SGSM1: variants seen among roughly 807,000 people sequenced by gnomAD.
SGSM1 encodes small G protein signaling modulator 1.
SGSM1 carries 73 observed loss-of-function variants against 133.8 expected under a neutral mutation model. The ratio of observed to expected loss-of-function variants is 0.55; its 90% CI spans 0.45 to 0.66. The LOEUF (loss-of-function observed/expected upper bound fraction) is 0.66. SGSM1 is among the 30% of genes least tolerant of loss of function. The pLI, the probability that SGSM1 is intolerant of heterozygous loss-of-function variation, is 0.00. For synonymous variants in SGSM1, 563 were observed against 573.0 expected, an observed-to-expected ratio of 0.98 and a Z score of 0.25; for missense variants, 1,213 against 1,448.1, an observed-to-expected ratio of 0.84 and a Z score of 2.64.
intron 14 of SGSM1, 22 bp downstream of exon 14, chr22:24,879,548 C>T: frequency 6.2e-7 from 1 of 1,609,116 alleles, no homozygotes; most frequent in African/African-American, 1.3e-5. Flanking sequence ...GCTCCATTGC[C>T]AGTGTGTCTC....
intron 2 of SGSM1, among the ~76,000 whole-genome samples, chr22:24,829,325 A>G (rs551888013): frequency 6.6e-6 from 1 of 152,310 alleles, no homozygotes; most frequent in African/African-American, 2.4e-5. Flanking sequence ...AATGAGAGCT[A>G]AATGATGAGA....
intron 24 of SGSM1, among the ~76,000 whole-genome samples, chr22:24,921,769 A>G (rs8142847): frequency 0.52 from 78,095 of 151,246 alleles, 20,803 homozygotes; most frequent in East Asian, 0.74. Context: ...GCATGATCTC[A>G]GCTCACTACA....
chr22:24,810,286 T>C (rs571501931), intron 2 of SGSM1, among the ~76,000 whole-genome samples: 1 of 152,086 alleles, frequency 6.6e-6, no homozygotes, highest in South Asian at 2.1e-4. Context: ...GCTGGCAAGA[T>C]AAACCCTGCG....
chr22:24,830,818 A>G (rs1320430306), intron 2 of SGSM1, among the ~76,000 whole-genome samples: 1 of 145,520 alleles, frequency 6.9e-6, no homozygotes, highest in Admixed American at 7.0e-5. Context: ...ATTTCCAGCC[A>G]GTTCCTAGGT....
chr22:24,808,222 T>G (rs1192295491), intron 2 of SGSM1, among the ~76,000 whole-genome samples: 1 of 151,180 alleles, frequency 6.6e-6, no homozygotes, highest in Non-Finnish European at 1.5e-5. Context: ...CACGCCATTC[T>G]CCTGCCTCAG....
At chr22:24,845,961 CTTTCTT>C (rs1443689354) in intron 3 of SGSM1, among the ~76,000 whole-genome samples, 2 of 104,918 alleles carry the variant, frequency 1.9e-5, no homozygotes, top group African/African-American at 6.5e-5. Flanking sequence ...TTCTTTCTTT[CTTTCTT>C]TCTTTCTTTC....
chr22:24,856,540 C>T lies in SGSM1; in HGVS notation c.801+860C>T, dbSNP rs113826677. ...ATGCAGTGTCTCCTTTCGCTGTCCC[C>T]TCACCAGGGCCATTTGGTTGCATGG... On this transcript the variant is annotated intron_variant, in intron 8 of 24. Transcript: ENST00000400358. 5.8e-3 allele frequency among the ~76,000 whole-genome samples: 884 copies of T among 152,274 alleles called. 10 individuals carry two copies. The highest frequency in any genetic ancestry group is 0.021 in the African/African-American group (855 of 41,570).
At chr22:24,863,979 G>T (rs543814400) in intron 9 of SGSM1, among the ~76,000 whole-genome samples, 24 of 152,084 alleles carry the variant, frequency 1.6e-4, no homozygotes, top group African/African-American at 5.8e-4. Flanking sequence ...GACCTCAGGG[G>T]ATCCATCCAC....
intron 16 of SGSM1, among the ~76,000 whole-genome samples, chr22:24,892,523 T>C (rs750563795): frequency 8.6e-5 from 13 of 151,988 alleles, no homozygotes; most frequent in Non-Finnish European, 1.8e-4. Flanking sequence ...TTGGTTTTAT[T>C]TGTATTGTAT....
intron 4 of SGSM1, 60 bp downstream of exon 4, chr22:24,847,856 C>A: frequency 6.4e-7 from 1 of 1,574,650 alleles, no homozygotes; most frequent in Non-Finnish European, 8.6e-7. Context: ...ACAGTCCTCC[C>A]TGGGTCCTGA....
intron 4 of SGSM1, among the ~76,000 whole-genome samples, chr22:24,849,797 A>C (rs1227040341): frequency 6.6e-6 from 1 of 152,172 alleles, no homozygotes; most frequent in African/African-American, 2.4e-5. Context: ...GCCCAGGGAA[A>C]GGCTTCAGAT....
chr22:24,898,816 A>G (rs1364974695), intron 19 of SGSM1, among the ~76,000 whole-genome samples: 1 of 152,078 alleles, frequency 6.6e-6, no homozygotes, highest in African/African-American at 2.4e-5. Flanking sequence ...TCACGAAGTC[A>G]GAAGATCGAG....
At chr22:24,916,057 A>T (rs935135584) in intron 22 of SGSM1, among the ~76,000 whole-genome samples, 8 of 151,782 alleles carry the variant, frequency 5.3e-5, no homozygotes, top group African/African-American at 1.9e-4. Context: ...TTTTTATAAG[A>T]GTTTTGTTAA....
chr22:24,879,321 G>C (rs1429349663), intron 13 of SGSM1, 141 bp from the exon 14 acceptor site: 1 of 707,702 alleles, frequency 1.4e-6, no homozygotes, highest in African/African-American at 1.8e-5. Context: ...TACAGGTAGA[G>C]GTAATAGCAG....
chr22:24,895,196 C>T, intron 17 of SGSM1, 27 bp from the exon 18 acceptor site: 1 of 1,591,594 alleles, frequency 6.3e-7, no homozygotes, highest in Admixed American at 1.8e-5. Flanking sequence ...CCTCACCCTC[C>T]CTCCCTCCTG....
At chr22:24,815,596 T>G (rs1204185003) in intron 2 of SGSM1, among the ~76,000 whole-genome samples, 1 of 152,024 alleles carries the variant, frequency 6.6e-6, no homozygotes, top group African/African-American at 2.4e-5. Flanking sequence ...TACAAAAAAA[T>G]TAGCCGGGCG....
At chr22:24,876,146 G>C (rs1460682368) in intron 12 of SGSM1, among the ~76,000 whole-genome samples, 2 of 152,030 alleles carry the variant, frequency 1.3e-5, no homozygotes, top group African/African-American at 2.4e-5. Flanking sequence ...TCTGGCACTT[G>C]GGTGCCCTGC....
intron 2 of SGSM1, among the ~76,000 whole-genome samples, chr22:24,823,752 A>G (rs1928626019): frequency 6.6e-6 from 1 of 150,986 alleles, no homozygotes; most frequent in Admixed American, 6.6e-5. Flanking sequence ...GGGCAACATT[A>G]AAAAAAAATT....
chr22:24,854,925 A>G, intron 5 of SGSM1, 71 bp from the exon 6 acceptor site: 1 of 1,267,940 alleles, frequency 7.9e-7, no homozygotes, highest in Non-Finnish European at 1.1e-6. Flanking sequence ...CTGGGGATTG[A>G]ACTCTCATCT....
Sources: gnomAD v4.1 joint callset for allele counts (sites outside exome capture counted in the v4.1 genomes callset) on GRCh38, gnomAD v4.1.1 for gene constraint, MANE v1.5 for transcripts, NCBI Gene and HGNC (gene_info 2026-07-23, HGNC 2026-07-21) for gene names.